DIAPH2: variants seen among roughly 807,000 people sequenced by gnomAD.
DIAPH2 encodes diaphanous related formin 2, also known as protein diaphanous homolog 2.
DIAPH2 carries 35 observed loss-of-function variants against 92.7 expected under a neutral mutation model. That is an observed-to-expected ratio of 0.38 (90% CI 0.29 to 0.50). The LOEUF (loss-of-function observed/expected upper bound fraction) is 0.50. Among genes scored for constraint, DIAPH2 ranks in the 20% least tolerant of loss-of-function variants. DIAPH2 has a pLI of 0.94. For synonymous variants in DIAPH2, 301 were observed against 280.4 expected, an observed-to-expected ratio of 1.07 and a Z score of -0.73; for missense variants, 701 against 819.5, an observed-to-expected ratio of 0.86 and a Z score of 1.77.
At chrX:97,223,842 T>G (rs2067944716) in intron 22 of DIAPH2, among the ~76,000 whole-genome samples, 1 of 111,962 alleles carries the variant, frequency 8.9e-6, no homozygotes, top group Non-Finnish European at 1.9e-5. Flanking sequence ...GCAGCAATTA[T>G]GTATTTCTGA....
rs73258359 is a variant in DIAPH2 at position 97,419,125 on chromosome X, T to C, written c.3146-10525T>C. 6.0e-3 allele frequency among the ~76,000 whole-genome samples: 666 copies of C among 111,044 alleles called. 2 individuals are homozygous for C. Among genetic ancestry groups the C allele is most frequent in the Non-Finnish European group, 9.4e-3 (498 of 53,030 alleles). On this transcript the variant is annotated intron_variant, in intron 25 of 26. Transcript: ENST00000324765. Reference sequence around the variant, plus strand: ...TTTTTAAAGACACAGCATCTCACTATGTTGGCCCACACTGGCCTTGAACTC... The same window carrying C: ...TTTTTAAAGACACAGCATCTCACTACGTTGGCCCACACTGGCCTTGAACTC...
At chrX:97,120,614 GT>G (rs139009030) in intron 21 of DIAPH2, among the ~76,000 whole-genome samples, 1,591 of 75,783 alleles carry the variant, frequency 0.021, 34 homozygotes, top group African/African-American at 0.061. Flanking sequence ...TTTTTTGTGG[GT>G]TTTTTTTTTT....
At chrX:97,473,221 C>A (rs2070576897) in intron 26 of DIAPH2, among the ~76,000 whole-genome samples, 1 of 112,384 alleles carries the variant, frequency 8.9e-6, no homozygotes, top group Non-Finnish European at 1.9e-5. Flanking sequence ...GTATCATTTT[C>A]TCTCCCCTTC....
chrX:97,245,949 C>G (rs1469550308), intron 22 of DIAPH2, among the ~76,000 whole-genome samples: 1 of 105,890 alleles, frequency 9.4e-6, no homozygotes, highest in Non-Finnish European at 1.9e-5. Flanking sequence ...GTTGCCCAGG[C>G]TAGAGTGCAG....
At chrX:96,898,611 T>C (rs1175841994) in intron 5 of DIAPH2, among the ~76,000 whole-genome samples, 2 of 108,044 alleles carry the variant, frequency 1.9e-5, no homozygotes, top group Non-Finnish European at 3.8e-5. Context: ...GAGTTCATTG[T>C]AGATTCTGGA....
chrX:97,542,966 T>C (rs947664429), intron 26 of DIAPH2, among the ~76,000 whole-genome samples: 1 of 112,187 alleles, frequency 8.9e-6, no homozygotes, highest in African/African-American at 3.2e-5. Flanking sequence ...ATAAATGGTA[T>C]TATTCTCAGA....
intron 15 of DIAPH2, among the ~76,000 whole-genome samples, chrX:96,952,606 G>A (rs1195235347): frequency 9.1e-6 from 1 of 109,927 alleles, no homozygotes; most frequent in Non-Finnish European, 1.9e-5. Flanking sequence ...GTGGTGGCAG[G>A]CGCCTGTAAT....
intron 26 of DIAPH2, among the ~76,000 whole-genome samples, chrX:97,559,488 C>CAAA (rs1235826953): frequency 2.3e-5 from 1 of 43,037 alleles, no homozygotes; most frequent in East Asian, 7.3e-4. Flanking sequence ...GACTCCGTCT[C>CAAA]AAAAAAAAAA....
chrX:97,381,549 A>G (rs1375931773), intron 24 of DIAPH2, among the ~76,000 whole-genome samples: 1 of 111,946 alleles, frequency 8.9e-6, no homozygotes, highest in Non-Finnish European at 1.9e-5. Context: ...TAACAAAAGT[A>G]TTCACAGTTT....
intron 17 of DIAPH2, among the ~76,000 whole-genome samples, chrX:97,020,487 C>T (rs994536025): frequency 1.8e-5 from 2 of 111,636 alleles, no homozygotes; most frequent in Admixed American, 9.5e-5. Context: ...TTTTCAAATA[C>T]GTATGTATTT....
At chrX:96,961,389 A>G (rs1244665086) in intron 16 of DIAPH2, among the ~76,000 whole-genome samples, 1 of 91,472 alleles carries the variant, frequency 1.1e-5, no homozygotes, top group East Asian at 3.4e-4. Context: ...GATTCTGTTT[A>G]TTTAGGTCTT....
chrX:97,546,798 T>C (rs2071184511), intron 26 of DIAPH2, among the ~76,000 whole-genome samples: 1 of 110,187 alleles, frequency 9.1e-6, no homozygotes, highest in Non-Finnish European at 1.9e-5. Flanking sequence ...ATCGCGCCAT[T>C]GCCCTCCAGC....
rs1026278698 is a variant in DIAPH2 at position 96,873,657 on chromosome X, C to T, written c.448-7922C>T. On this transcript the variant is annotated intron_variant, in intron 4 of 26. Coordinates refer to ENST00000324765, the MANE Select transcript of DIAPH2 (RefSeq NM_006729.5). ...AAATGCGTATATATATACACACACA[C>T]ACACACACACACACACACACACATA... 7.4e-5 allele frequency among the ~76,000 whole-genome samples: 8 copies of T among 107,383 alleles called. No homozygotes were observed. The East Asian group carries it at 8.7e-4, about 12-fold the overall frequency. The allele number at this position is 107,383 out of a possible 115,157, so 93.2% of individuals were successfully genotyped here. A position where few individuals can be genotyped will look rare whatever the true frequency, so the allele number is the denominator to read the frequency against.
At chrX:96,959,543 A>C (rs1489067050) in intron 16 of DIAPH2, among the ~76,000 whole-genome samples, 2 of 112,022 alleles carry the variant, frequency 1.8e-5, no homozygotes, top group East Asian at 5.6e-4. Context: ...GATAGTTTGC[A>C]GATATTTTTT....
chrX:97,162,730 G>A (rs1016477559), intron 22 of DIAPH2, among the ~76,000 whole-genome samples: 5 of 111,157 alleles, frequency 4.5e-5, no homozygotes, highest in African/African-American at 1.6e-4. Flanking sequence ...GCCCAAACTG[G>A]TCTCAAACTC....
intron 17 of DIAPH2, among the ~76,000 whole-genome samples, chrX:96,983,417 G>A (rs1052741634): frequency 9.0e-6 from 1 of 111,259 alleles, no homozygotes; most frequent in Non-Finnish European, 1.9e-5. Context: ...AATATGTGAT[G>A]ACAAAAATAG....
At chrX:97,327,289 G>C (rs2068959786) in intron 23 of DIAPH2, among the ~76,000 whole-genome samples, 1 of 110,117 alleles carries the variant, frequency 9.1e-6, no homozygotes, top group Non-Finnish European at 1.9e-5. Flanking sequence ...AGTAGAGACA[G>C]GGTTTCACCA....
chrX:97,360,603 G>A (rs899335363), intron 24 of DIAPH2, among the ~76,000 whole-genome samples: 5 of 111,659 alleles, frequency 4.5e-5, no homozygotes, highest in Non-Finnish European at 7.5e-5. Flanking sequence ...CAGCCCAGGC[G>A]ACAGAGCAAG....
chrX:97,087,887 C>G (rs931874274), intron 19 of DIAPH2, among the ~76,000 whole-genome samples: 2 of 110,110 alleles, frequency 1.8e-5, no homozygotes, highest in Non-Finnish European at 3.8e-5. Context: ...TTTTTTTCAT[C>G]CCCTCTCTCT....
Sources: gnomAD v4.1 joint callset for allele counts (sites outside exome capture counted in the v4.1 genomes callset) on GRCh38, gnomAD v4.1.1 for gene constraint, MANE v1.5 for transcripts, NCBI Gene and HGNC (gene_info 2026-07-23, HGNC 2026-07-21) for gene names.